Variants in KALRN observed in about 807,000 individuals in gnomAD.
KALRN encodes the protein kalirin RhoGEF kinase.
Under a neutral mutation model 353.7 loss-of-function variants are expected in KALRN, and 70 were observed. The ratio of observed to expected loss-of-function variants is 0.20; its 90% CI spans 0.16 to 0.24. KALRN has a LOEUF of 0.24. Ranked by LOEUF, KALRN falls within the 10% of genes least tolerant of loss-of-function variation. KALRN has a pLI of 1.00. For missense variants in KALRN, 2,791 were observed against 3,756.7 expected (o/e 0.74, Z 6.72); for synonymous variants, 1,391 against 1,434.8 (o/e 0.97, Z 0.69).
chr3:124,197,544 G>A (rs966742439), intron 1 of KALRN, among the ~76,000 whole-genome samples: 2 of 152,078 alleles, frequency 1.3e-5, no homozygotes, highest in Non-Finnish European at 2.9e-5. Flanking sequence ...CACTTTTCCG[G>A]TTGTGGGCAA....
rs1318835197 is a variant in KALRN at position 124,395,484 on chromosome 3, C to G, written c.2171+141C>G. On this transcript the variant is annotated intron_variant, in intron 12 of 59. Transcript: ENST00000682506. ...TCTTTATCTGTAAGATGTAAAAATG[C>G]CTGCACCATACTCAACTTGAATCTA... is the stretch of plus-strand genomic sequence containing the variant. The G allele has an allele frequency of 6.4e-6, 4 of 629,884 alleles. No homozygotes were observed. In the Admixed American group the frequency reaches 1.1e-4, roughly 18 times the overall value. The allele number at this position is 629,884 out of a possible 1,614,324, so 39.0% of individuals were successfully genotyped here.
At chr3:124,540,723 C>A (rs749320518) in intron 33 of KALRN, among the ~76,000 whole-genome samples, 2 of 152,228 alleles carry the variant, frequency 1.3e-5, no homozygotes, top group African/African-American at 4.8e-5. Flanking sequence ...ATCTCTCTAT[C>A]ATGGTGCTGT....
chr3:124,190,500 C>T (rs1225126678), intron 1 of KALRN, among the ~76,000 whole-genome samples: 1 of 152,126 alleles, frequency 6.6e-6, no homozygotes, highest in Non-Finnish European at 1.5e-5. Flanking sequence ...TTTCTGACCC[C>T]AAGACATGGT....
intron 49 of KALRN, chr3:124,675,345 G>T (rs949045140): frequency 6.6e-6 from 1 of 152,044 alleles, no homozygotes; most frequent in Admixed American, 6.6e-5. Flanking sequence ...GCTCATCGTT[G>T]TACCTGTAAT....
chr3:124,336,898 G>A (rs2081188742), intron 9 of KALRN, among the ~76,000 whole-genome samples: 1 of 152,024 alleles, frequency 6.6e-6, no homozygotes, highest in South Asian at 2.1e-4. Context: ...TCTCTTTGTA[G>A]CAATTGTGAG....
At chr3:124,381,822 C>T (rs1188141433) in intron 10 of KALRN, among the ~76,000 whole-genome samples, 1 of 152,166 alleles carries the variant, frequency 6.6e-6, no homozygotes, top group African/African-American at 2.4e-5. Flanking sequence ...CTTTAAGGAG[C>T]TCACAGACCA....
chr3:124,392,630 A>G (rs2089585406), intron 11 of KALRN, among the ~76,000 whole-genome samples: 1 of 138,384 alleles, frequency 7.2e-6, no homozygotes, highest in African/African-American at 2.7e-5. Flanking sequence ...TTTTTGAGAC[A>G]GTCTCCCTCT....
At chr3:124,488,420 G>C (rs2062788914) in intron 29 of KALRN, 105 bp downstream of exon 29, 1 of 762,726 alleles carries the variant, frequency 1.3e-6, no homozygotes. Context: ...TGCAAGGCTG[G>C]AAGAGAGAAG....
At chr3:124,542,298 C>T (rs1446447733) in intron 33 of KALRN, among the ~76,000 whole-genome samples, 1 of 152,216 alleles carries the variant, frequency 6.6e-6, no homozygotes, top group South Asian at 2.1e-4. Context: ...AGCTCTGGAA[C>T]TTAGTAGCCG....
intron 27 of KALRN, among the ~76,000 whole-genome samples, chr3:124,481,106 A>G (rs1175310897): frequency 1.3e-5 from 2 of 151,938 alleles, no homozygotes; most frequent in East Asian, 1.9e-4. Context: ...TTCTGTCTCT[A>G]TTTCTCCAAG....
chr3:124,492,838 T>C lies in KALRN; in HGVS notation c.4788T>C (p.Leu1596=), dbSNP rs1194699463. ...IHLKGALKEP[L]QLPKTPAKQR... is the part of the protein sequence containing the mutation. ...TGAAAGGAGCTTTAAAGGAGCCACTTCAGCTCCCCAAAACACCAGCCAAAC... is the reference window on the plus strand; with the variant it reads ...TGAAAGGAGCTTTAAAGGAGCCACTCCAGCTCCCCAAAACACCAGCCAAAC... Residue 1596 remains leucine, a synonymous_variant, in exon 32 of 60, where the codon CTT becomes CTC. Coordinates refer to ENST00000682506, the MANE Select transcript of KALRN (RefSeq NM_001388419.1). 9.9e-6 allele frequency: 16 copies of C among 1,613,994 alleles called. No individual in the cohort carries two copies. The highest frequency in any genetic ancestry group is 1.4e-5 in the Non-Finnish European group (16 of 1,179,998).
At chr3:124,094,345 G>C (rs1023323355) in intron 1 of KALRN, among the ~76,000 whole-genome samples, 9 of 152,346 alleles carry the variant, frequency 5.9e-5, no homozygotes, top group Admixed American at 4.6e-4. Flanking sequence ...AGGCAGTAAC[G>C]CTCCCAGGCT....
chr3:124,493,703 G>A (rs2063410338), intron 32 of KALRN, among the ~76,000 whole-genome samples: 1 of 152,218 alleles, frequency 6.6e-6, no homozygotes, highest in Non-Finnish European at 1.5e-5. Context: ...AGGACAAGCA[G>A]GGTAGGGAGC....
rs769286797 is a variant in KALRN at position 124,228,073 on chromosome 3, T to A, written c.148+9T>A. On this transcript the variant is annotated intron_variant, in intron 2 of 59. Coordinates refer to ENST00000682506, the MANE Select transcript of KALRN (RefSeq NM_001388419.1). Reference sequence around the variant, plus strand: ...GGTGGCCTTCGTGTCTGGTGAGTATTTGTGGGACTTTCTTTTGTAAAGGAC... The same window carrying A: ...GGTGGCCTTCGTGTCTGGTGAGTATATGTGGGACTTTCTTTTGTAAAGGAC... The A allele has an allele frequency of 6.2e-7, 1 of 1,607,658 alleles. No homozygotes were observed. The highest frequency in any genetic ancestry group is 1.1e-5 in the South Asian group (1 of 90,904).
intron 26 of KALRN, among the ~76,000 whole-genome samples, chr3:124,476,801 T>A (rs572760968): frequency 6.6e-6 from 1 of 152,322 alleles, no homozygotes; most frequent in African/African-American, 2.4e-5. Flanking sequence ...AATGGAGACA[T>A]TTAGAGTACA....
intron 34 of KALRN, among the ~76,000 whole-genome samples, chr3:124,571,610 G>GTT (rs1191592311): frequency 6.6e-6 from 1 of 151,986 alleles, no homozygotes; most frequent in African/African-American, 2.4e-5. Context: ...AAAAATGTCT[G>GTT]TTTTTTTCTC....
intron 33 of KALRN, among the ~76,000 whole-genome samples, chr3:124,546,600 T>A (rs1198076202): frequency 1.3e-5 from 2 of 151,978 alleles, no homozygotes; most frequent in East Asian, 1.9e-4. Context: ...AAGTACAAAA[T>A]CAGAATGCCT....
chr3:124,263,930 C>G (rs1425752846), intron 3 of KALRN, among the ~76,000 whole-genome samples: 1 of 152,072 alleles, frequency 6.6e-6, no homozygotes, highest in Non-Finnish European at 1.5e-5. Context: ...GGGAGACAAA[C>G]ATTAAAATAA....
At chr3:124,389,127 T>C (rs2088924274) in intron 11 of KALRN, among the ~76,000 whole-genome samples, 1 of 152,228 alleles carries the variant, frequency 6.6e-6, no homozygotes, top group South Asian at 2.1e-4. Flanking sequence ...ATTATGGCTA[T>C]CTTCCTCCTT....
Sources: allele counts gnomAD v4.1 joint callset (sites outside exome capture counted in the v4.1 genomes callset), GRCh38; gene constraint gnomAD v4.1.1; transcripts MANE v1.5; gene names NCBI Gene and HGNC (gene_info 2026-07-23, HGNC 2026-07-21).